ZDHHC17: variants seen among roughly 807,000 people sequenced by gnomAD.
The protein encoded by ZDHHC17 is palmitoyltransferase ZDHHC17.
ZDHHC17 carries 40 observed loss-of-function variants against 90.3 expected under a neutral mutation model. That is an observed-to-expected ratio of 0.44 (90% CI 0.34 to 0.58). The LOEUF is 0.58. Ranked by LOEUF, ZDHHC17 falls within the 20% of genes least tolerant of loss-of-function variation. The pLI is 0.01. For missense variants in ZDHHC17, 614 were observed against 780.8 expected (o/e 0.79, Z 2.55); for synonymous variants, 235 against 252.4 (o/e 0.93, Z 0.65).
At chr12:76,821,124 G>T (rs1173123113) in intron 7 of ZDHHC17, 1 of 1,286,838 alleles carries the variant, frequency 7.8e-7, no homozygotes, top group Admixed American at 2.3e-5. Flanking sequence ...GCAACTGCAG[G>T]ATATTCCCGG....
At chr12:76,792,319 T>TA (rs1491233038) in intron 1 of ZDHHC17, among the ~76,000 whole-genome samples, 1 of 152,214 alleles carries the variant, frequency 6.6e-6, no homozygotes, top group African/African-American at 2.4e-5. Flanking sequence ...GGATTACACT[T>TA]ATACCACAAT....
At chr12:76,800,885 CTTTTTTTTTTT>C (rs71085458) in intron 2 of ZDHHC17, among the ~76,000 whole-genome samples, 1 of 108,086 alleles carries the variant, frequency 9.3e-6, no homozygotes, top group Non-Finnish European at 1.8e-5. Flanking sequence ...TTTGCCATTT[CTTTTTTTTTTT>C]TTTTTTTTTT....
At chr12:76,792,879 C>T (rs1246657464) in intron 1 of ZDHHC17, among the ~76,000 whole-genome samples, 2 of 151,962 alleles carry the variant, frequency 1.3e-5, no homozygotes, top group Non-Finnish European at 2.9e-5. Context: ...ATAAGCAAAC[C>T]CAAACCCAAT....
chr12:76,842,163 A>G lies in ZDHHC17; in HGVS notation c.1266+57A>G, dbSNP rs978528927. On this transcript the variant is annotated intron_variant, in intron 11 of 16. Transcript: ENST00000426126. ...TAACTGCCAGATTATCAGTATTTAC[A>G]GCAGACATTAGAGGACAGAGGAATT... is the stretch of plus-strand genomic sequence containing the variant. The G allele has an allele frequency of 2.7e-6, 4 of 1,463,956 alleles. No individual in the cohort carries two copies. The East Asian group carries it at 1.0e-4, about 37-fold the overall frequency. 90.7% of individuals were successfully genotyped at this position (1,463,956 alleles called of 1,614,324 possible). A position where few individuals can be genotyped will look rare whatever the true frequency, so the allele number is the denominator to read the frequency against.
chr12:76,791,312 A>C (rs967571639), intron 1 of ZDHHC17, among the ~76,000 whole-genome samples: 3 of 152,334 alleles, frequency 2.0e-5, no homozygotes, highest in South Asian at 2.1e-4. Flanking sequence ...AACAATAAGC[A>C]TTCCTTTAAA....
At chr12:76,776,451 A>G (rs1166136383) in intron 1 of ZDHHC17, among the ~76,000 whole-genome samples, 1 of 152,198 alleles carries the variant, frequency 6.6e-6, no homozygotes, top group Non-Finnish European at 1.5e-5. Context: ...CTATGCTTGT[A>G]CATTTAAATA....
In ZDHHC17 at chr12:76,770,314, A is replaced by G. The variant is rs2137708914; in HGVS notation, c.93+5985A>G. Among the ~76,000 whole-genome samples, 3 of 152,346 alleles carry G rather than the reference A, an allele frequency of 2.0e-5. No individual in the cohort carries two copies. In the South Asian group the frequency reaches 6.2e-4, roughly 32 times the overall value. ...TGGTTGTCTCTGGGGATTGAAGAGA[A>G]GATGGGCAGAGGACTTCTTATTATA... is the stretch of plus-strand genomic sequence containing the variant. On this transcript the variant is annotated intron_variant, in intron 1 of 16. Transcript: ENST00000426126.
At chr12:76,809,639 T>C in intron 4 of ZDHHC17, 74 bp from the exon 5 acceptor site, 1 of 1,254,498 alleles carries the variant, frequency 8.0e-7, no homozygotes. Flanking sequence ...ATACCTTACT[T>C]GAAAAAGCTC....
intron 7 of ZDHHC17, chr12:76,821,305 C>A: frequency 4.3e-6 from 1 of 230,610 alleles, no homozygotes; most frequent in Non-Finnish European, 8.0e-6. Flanking sequence ...TTATTAAATA[C>A]CATTGATCTT....
At position 76,809,099 on chromosome 12, in the gene ZDHHC17, C is replaced by A; in HGVS notation, c.377C>A (p.Thr126Asn). The A allele has an allele frequency of 6.4e-7, 1 of 1,562,246 alleles. No individual in the cohort carries two copies. Among genetic ancestry groups the A allele is most frequent in the Non-Finnish European group, 8.7e-7 (1 of 1,155,100 alleles). Residue 126 changes from threonine to asparagine, a missense_variant, in exon 4 of 17, where the codon ACT becomes AAT. Transcript: ENST00000426126. ...VDQLGGDLNS[T>N]PLHWATRQGH... The stretch of plus-strand genomic sequence containing the variant: ...CAACTTGGAGGGGACCTGAATTCAA[C>A]TCCATTGCACTGGGCCACAAGGTTT...
chr12:76,815,243 C>T, intron 6 of ZDHHC17, 33 bp downstream of exon 6: 1 of 1,413,998 alleles, frequency 7.1e-7, no homozygotes, highest in South Asian at 1.3e-5. Flanking sequence ...TTATTTAGGC[C>T]ATTTCAGCAT....
intron 10 of ZDHHC17, among the ~76,000 whole-genome samples, chr12:76,838,657 A>G (rs1440799304): frequency 6.6e-6 from 1 of 152,194 alleles, no homozygotes; most frequent in East Asian, 1.9e-4. Flanking sequence ...TGATGTCAGA[A>G]TTATCCCCCA....
Position 76,849,383 on chromosome 12 carries a change from G to A in ZDHHC17, c.1673G>A (p.Cys558Tyr), listed in dbSNP as rs200108234. 9.2e-6 allele frequency: 13 copies of A among 1,408,212 alleles called. No individual in the cohort carries two copies. Among genetic ancestry groups the A allele is most frequent in the Non-Finnish European group, 1.3e-5 (13 of 1,036,500 alleles). The allele number at this position is 1,408,212 out of a possible 1,614,324, so 87.2% of individuals were successfully genotyped here. ...LLMCQMYQIS[C>Y]LGITTNERMN... ...CTTTTTCTTTCCTCTTAGATATCATGTTTAGGTATTACTACAAATGAAAGA... is the reference window on the plus strand; with the variant it reads ...CTTTTTCTTTCCTCTTAGATATCATATTTAGGTATTACTACAAATGAAAGA... Residue 558 changes from cysteine (C) to tyrosine (Y), a missense_variant, in exon 16 of 17, where the codon TGT (cysteine) becomes TAT (tyrosine). Coordinates refer to ENST00000426126, the MANE Select transcript of ZDHHC17 (RefSeq NM_015336.4).
chr12:76,815,154 T>A lies in ZDHHC17; in HGVS notation c.552T>A (p.Asp184Glu). 6.4e-7 allele frequency: 1 copy of A among 1,561,804 alleles called. No homozygotes were observed. The highest frequency in any genetic ancestry group is 8.7e-7 in the Non-Finnish European group (1 of 1,151,078). ...TCTTTTTACTTTATCAGGATGTAGA[T>A]ATGATGGATCAGAATGGAATGACGC... The part of the protein sequence containing the change: ...AYLIAKGQDV[D>E]MMDQNGMTPL... The change falls in exon 6 of 17, where the codon GAT becomes GAA. Residue 184 changes from aspartate (D) to glutamate (E), a missense_variant. By Grantham distance (45) the Asp-to-Glu change is conservative. Coordinates refer to ENST00000426126, the MANE Select transcript of ZDHHC17 (RefSeq NM_015336.4).
At chr12:76,774,104 G>A (rs1331394866) in intron 1 of ZDHHC17, among the ~76,000 whole-genome samples, 1 of 151,986 alleles carries the variant, frequency 6.6e-6, no homozygotes, top group Non-Finnish European at 1.5e-5. Context: ...AAAAGAATTA[G>A]CTGGGTGTGG....
intron 1 of ZDHHC17, among the ~76,000 whole-genome samples, chr12:76,796,945 C>T (rs1952826139): frequency 6.6e-6 from 1 of 152,114 alleles, no homozygotes; most frequent in Non-Finnish European, 1.5e-5. Flanking sequence ...ATGGGTAGAT[C>T]TCTTTGAACA....
intron 1 of ZDHHC17, among the ~76,000 whole-genome samples, chr12:76,783,394 GGA>G (rs1952649408): frequency 1.3e-5 from 2 of 152,190 alleles, no homozygotes; most frequent in African/African-American, 4.8e-5. Context: ...GCAGGAAAGA[GGA>G]GAGGGGTACG....
intron 2 of ZDHHC17, among the ~76,000 whole-genome samples, chr12:76,802,139 A>G (rs1952898902): frequency 6.6e-6 from 1 of 152,202 alleles, no homozygotes. Flanking sequence ...GGGCAGGTCC[A>G]GTGGTAACAG....
chr12:76,790,216 A>C (rs977372656), intron 1 of ZDHHC17, among the ~76,000 whole-genome samples: 4 of 152,082 alleles, frequency 2.6e-5, no homozygotes, highest in African/African-American at 9.7e-5. Flanking sequence ...TTAAATGTTC[A>C]TCAGGCTGGG....
Sources: gnomAD v4.1 joint callset for allele counts (sites outside exome capture counted in the v4.1 genomes callset) on GRCh38, gnomAD v4.1.1 for gene constraint, MANE v1.5 for transcripts, NCBI Gene and HGNC (gene_info 2026-07-23, HGNC 2026-07-21) for gene names.